Variants in ADAR observed in about 807,000 individuals in gnomAD.
The protein encoded by ADAR is double-stranded RNA-specific adenosine deaminase.
In ADAR, 41 loss-of-function variants were observed where a neutral mutation model predicts 113.2. The observed-to-expected ratio is 0.36, with a 90% CI of 0.28 to 0.47. The LOEUF is 0.47. Ranked by LOEUF, ADAR falls within the 20% of genes least tolerant of loss-of-function variation. The pLI, the probability that ADAR is intolerant of heterozygous loss-of-function variation, is 1.00. For missense variants in ADAR, 1,242 were observed against 1,540.9 expected (o/e 0.81, Z 3.25); for synonymous variants, 605 against 572.6 (o/e 1.06, Z -0.81).
At position 154,597,911 on chromosome 1, in the gene ADAR, G is replaced by C. The variant is rs764879657; in HGVS notation, c.1851C>G (p.Thr617=). Residue 617 remains threonine, a synonymous_variant, in exon 4 of 15, where the codon ACC becomes ACG. Transcript: ENST00000368474. The part of the protein sequence containing the change: ...TSFFSGKSPV[T]TLLECMHKLG... ...ATTTGTGCATACACTCAAGCAGTGT[G>C]GTGACGGGGCTCTTCCCAGAAAAGA... 1 of 1,614,174 alleles carries C rather than the reference G, an allele frequency of 6.2e-7. No homozygotes were observed. Among genetic ancestry groups the C allele is most frequent in the Admixed American group, 1.7e-5 (1 of 60,022 alleles).
intron 1 of ADAR, among the ~76,000 whole-genome samples, chr1:154,617,724 C>T (rs985997516): frequency 2.0e-5 from 3 of 151,962 alleles, no homozygotes; most frequent in African/African-American, 7.3e-5. Flanking sequence ...AATATAGTGC[C>T]CCCCAAATCT....
At chr1:154,622,882 G>C (rs1018047060) in intron 1 of ADAR, among the ~76,000 whole-genome samples, 4 of 128,078 alleles carry the variant, frequency 3.1e-5, no homozygotes, top group African/African-American at 1.2e-4. Flanking sequence ...AGGCCTCAAG[G>C]TAGTTTTGTT....
chr1:154,598,330 C>T, intron 3 of ADAR, 72 bp downstream of exon 3: 2 of 1,527,568 alleles, frequency 1.3e-6, no homozygotes, highest in Non-Finnish European at 1.8e-6. Flanking sequence ...GCTGGGATTG[C>T]CTCAAGGGAG....
Position 154,584,660 on chromosome 1 carries a change from C to T in ADAR, c.*146G>A. Reference sequence around the variant, plus strand: ...AAAGAAAGCAGGATAAATGGGAACCCAAAGTTTTCAGTATCACCAATTATG... The same window carrying T: ...AAAGAAAGCAGGATAAATGGGAACCTAAAGTTTTCAGTATCACCAATTATG... On this transcript the variant is annotated 3_prime_UTR_variant, in exon 15 of 15. Coordinates refer to ENST00000368474, the MANE Select transcript of ADAR (RefSeq NM_001111.5). 1.3e-6 allele frequency: 1 copy of T among 783,994 alleles called. No homozygotes were observed. The highest frequency in any genetic ancestry group is 2.1e-6 in the Non-Finnish European group (1 of 473,776). The allele number at this position is 783,994 out of a possible 1,614,324, so 48.6% of individuals were successfully genotyped here. A position where few individuals can be genotyped will look rare whatever the true frequency, so the allele number is the denominator to read the frequency against.
intron 1 of ADAR, among the ~76,000 whole-genome samples, chr1:154,614,396 T>A (rs1571142758): frequency 1.3e-5 from 2 of 150,662 alleles, no homozygotes; most frequent in Non-Finnish European, 2.9e-5. Context: ...AGATCTCCCA[T>A]CTTCTTCTTC....
intron 6 of ADAR, 24 bp from the exon 7 acceptor site, chr1:154,590,433 G>GA: frequency 6.2e-7 from 1 of 1,607,746 alleles, no homozygotes; most frequent in Admixed American, 1.7e-5. Context: ...AACAGAGAAT[G>GA]AAGACAAGTG....
chr1:154,590,038 T>A, intron 7 of ADAR, 110 bp from the exon 8 acceptor site: 2 of 1,511,900 alleles, frequency 1.3e-6, no homozygotes, highest in Non-Finnish European at 1.8e-6. Flanking sequence ...ATCTTTTCCT[T>A]CTTACATCTA....
intron 11 of ADAR, among the ~76,000 whole-genome samples, chr1:154,587,625 C>T (rs537174347): frequency 1.3e-5 from 2 of 152,070 alleles, no homozygotes; most frequent in South Asian, 4.2e-4. Flanking sequence ...GGAGTGGATG[C>T]GAAGAGACAG....
chr1:154,608,203 C>T (rs555380432), upstream of ADAR: 7 of 606,444 alleles, frequency 1.2e-5, no homozygotes, highest in East Asian at 1.7e-4. Context: ...GCTTTCGTTT[C>T]CTCGGAAAGC....
upstream of ADAR, among the ~76,000 whole-genome samples, chr1:154,611,704 G>A (rs1178356860): frequency 6.6e-6 from 1 of 152,164 alleles, no homozygotes; most frequent in African/African-American, 2.4e-5. Flanking sequence ...CAAGGGAGGA[G>A]CTCTTCCTAT....
Position 154,585,783 on chromosome 1 carries a change from T to C in ADAR, c.3285A>G (p.Leu1095=). Residue 1095 remains leucine, a synonymous_variant, in exon 13 of 15, where the codon CTA becomes CTG. Coordinates refer to ENST00000368474, the MANE Select transcript of ADAR (RefSeq NM_001111.5). ...TRDGSAFEDG[L]RHPFIVNHPK... is the part of the protein sequence containing the mutation. ...GGTGGTTGACAATAAAGGGATGTCG[T>C]AGTCCATCCTCAAATGCACTCCCAT... is the stretch of plus-strand genomic sequence containing the variant. 1.2e-6 allele frequency: 2 copies of C among 1,613,922 alleles called. No individual in the cohort carries two copies. Among genetic ancestry groups the C allele is most frequent in the South Asian group, 1.1e-5 (1 of 91,072 alleles).
chr1:154,610,389 C>T (rs1052749194), upstream of ADAR, among the ~76,000 whole-genome samples: 2 of 152,144 alleles, frequency 1.3e-5, no homozygotes, highest in Non-Finnish European at 2.9e-5. Context: ...GAAAGATCTA[C>T]GCATGCAACA....
upstream of ADAR, among the ~76,000 whole-genome samples, chr1:154,610,606 C>T (rs924110106): frequency 1.3e-5 from 2 of 151,904 alleles, no homozygotes; most frequent in Non-Finnish European, 2.9e-5. Flanking sequence ...GTCAGGGGAT[C>T]GAGACCATCC....
Position 154,601,850 on chromosome 1 carries a change from A to C in ADAR, c.792T>G (p.Ser264Arg). 2 of 1,614,126 alleles carry C rather than the reference A, an allele frequency of 1.2e-6. No homozygotes were observed. The highest frequency in any genetic ancestry group is 1.1e-5 in the South Asian group (1 of 91,078). ...CTGAGTTTGGGGATCCTTGGCTATG[A>C]CTGTCTGGTCTTACCACTCCGCTGT... ...NQHSGVVRPD[S>R]HSQGSPNSDP... Residue 264 changes from serine to arginine, a missense_variant, in exon 2 of 15, where the codon AGT becomes AGG. Ser to Arg is a moderately radical substitution (Grantham distance 110). Coordinates refer to ENST00000368474, the MANE Select transcript of ADAR (RefSeq NM_001111.5). This position sits in a 1 kb window ranked among gnomAD's most constrained non-coding sequence, Gnocchi z 4.7.
chr1:154,594,699 G>A (rs1370714024), intron 6 of ADAR, among the ~76,000 whole-genome samples: 4 of 152,254 alleles, frequency 2.6e-5, no homozygotes, highest in Admixed American at 1.3e-4. Flanking sequence ...CTTTCTGGAG[G>A]GTAAGTGCAG....
intron 1 of ADAR, among the ~76,000 whole-genome samples, chr1:154,607,642 C>T (rs553596165): frequency 1.3e-5 from 2 of 152,282 alleles, no homozygotes; most frequent in South Asian, 2.1e-4. Context: ...GCCCTCTTCA[C>T]GCACTGCTCC....
chr1:154,609,789 C>T (rs1479737078), upstream of ADAR, among the ~76,000 whole-genome samples: 1 of 152,150 alleles, frequency 6.6e-6, no homozygotes, highest in Non-Finnish European at 1.5e-5. Flanking sequence ...TGTTAAGCAC[C>T]CAGGATATGA....
At chr1:154,593,882 A>AT (rs753954430) in intron 6 of ADAR, among the ~76,000 whole-genome samples, 2 of 151,498 alleles carry the variant, frequency 1.3e-5, no homozygotes. Flanking sequence ...ATTACTTCTG[A>AT]TTTTTTTGTT....
intron 1 of ADAR, among the ~76,000 whole-genome samples, chr1:154,607,672 C>T (rs571997246): frequency 5.9e-5 from 9 of 152,196 alleles, no homozygotes; most frequent in African/African-American, 1.9e-4. Flanking sequence ...AATTAATGAG[C>T]AGGATACAAA....
Sources: allele counts gnomAD v4.1 joint callset (sites outside exome capture counted in the v4.1 genomes callset), GRCh38; gene constraint gnomAD v4.1.1; non-coding constraint Gnocchi (gnomAD v3.1); transcripts MANE v1.5; gene names NCBI Gene and HGNC (gene_info 2026-07-23, HGNC 2026-07-21).